ADGRE1: variants seen among roughly 807,000 people sequenced by gnomAD.
ADGRE1 encodes the protein adhesion G protein-coupled receptor E1, also known as EGF-like module receptor 1.
Under a neutral mutation model 102.7 loss-of-function variants are expected in ADGRE1, and 82 were observed. That is an observed-to-expected ratio of 0.80 (90% CI 0.67 to 0.96). ADGRE1 has a LOEUF of 0.96. Ranked by LOEUF, ADGRE1 falls within the 40% of genes least tolerant of loss-of-function variation. The probability of loss-of-function intolerance (pLI) is 0.00; values close to 1 mark genes in which losing one functional copy is unlikely to be tolerated. For synonymous variants in ADGRE1, 398 were observed against 399.6 expected, an observed-to-expected ratio of 1.00 and a Z score of 0.05; for missense variants, 1,032 against 1,085.3, an observed-to-expected ratio of 0.95 and a Z score of 0.69.
chr19:6,927,149 C>T (rs1413005868), intron 16 of ADGRE1, among the ~76,000 whole-genome samples: 1 of 151,970 alleles, frequency 6.6e-6, no homozygotes, highest in African/African-American at 2.4e-5. Context: ...ACACTAGAGA[C>T]ATAATAAAAG....
intron 9 of ADGRE1, among the ~76,000 whole-genome samples, chr19:6,908,429 C>T (rs75964774): frequency 0.026 from 3,893 of 152,174 alleles, 70 homozygotes; most frequent in Non-Finnish European, 0.042. Flanking sequence ...AGGGTGTCCC[C>T]GATTGAGCTG....
chr19:6,906,378 C>T (rs986173517), intron 8 of ADGRE1, 55 bp from the exon 9 acceptor site: 2 of 1,485,858 alleles, frequency 1.3e-6, no homozygotes, highest in Admixed American at 1.8e-5. Context: ...CTTGAATTTT[C>T]ATCTTATTTT....
intron 18 of ADGRE1, among the ~76,000 whole-genome samples, chr19:6,936,830 C>T (rs1256016489): frequency 1.3e-5 from 2 of 152,100 alleles, no homozygotes; most frequent in Non-Finnish European, 2.9e-5. Flanking sequence ...ACCATGTTAA[C>T]CAGGCTGGGC....
At chr19:6,938,211 T>C (rs1425400924) in intron 20 of ADGRE1, among the ~76,000 whole-genome samples, 3 of 151,914 alleles carry the variant, frequency 2.0e-5, no homozygotes, top group Non-Finnish European at 4.4e-5. Flanking sequence ...GTGGCAGGTG[T>C]CTGTAATCCC....
At chr19:6,937,434 A>AT in intron 19 of ADGRE1, 23 bp downstream of exon 19, 1 of 1,002,350 alleles carries the variant, frequency 1.0e-6, no homozygotes, top group South Asian at 1.5e-5. Context: ...TGCCCTCCCC[A>AT]TCCCCCTCCT....
At chr19:6,901,541 A>G (rs1183166022) in intron 5 of ADGRE1, among the ~76,000 whole-genome samples, 1 of 152,244 alleles carries the variant, frequency 6.6e-6, no homozygotes, top group Non-Finnish European at 1.5e-5. Context: ...GTAAAGTCAC[A>G]TCTCTTACAA....
rs1974103388 is a variant in ADGRE1 at position 6,909,813 on chromosome 19, C to A, written c.1122+1041C>A. On this transcript the variant is annotated intron_variant, in intron 10 of 20. Transcript: ENST00000312053. The stretch of plus-strand genomic sequence containing the variant: ...GCAATGGTGCGATCTTGGCTCACCG[C>A]AACCTCCACCTCCCAGGTTCAAGCG... Among the ~76,000 whole-genome samples, 4 of 152,162 alleles carry A rather than the reference C, an allele frequency of 2.6e-5. No homozygotes were observed. The South Asian group carries it at 8.3e-4, about 31-fold the overall frequency.
chr19:6,916,979 A>G (rs1027516442), intron 12 of ADGRE1, among the ~76,000 whole-genome samples: 2 of 152,180 alleles, frequency 1.3e-5, no homozygotes, highest in Non-Finnish European at 2.9e-5. Context: ...TCTGTTGGAC[A>G]GTGCTAATCT....
rs57355800 is a variant in ADGRE1 at position 6,890,421 on chromosome 19, GTTTTTTTTTTT to G, written c.32-47_32-37del. 23 of 451,326 alleles carry G rather than the reference GTTTTTTTTTTT, an allele frequency of 5.1e-5. No homozygotes were observed. In the East Asian group the frequency reaches 7.0e-4, roughly 14 times the overall value. The allele number at this position is 451,326 out of a possible 1,614,324, so 28.0% of individuals were successfully genotyped here. On this transcript the variant is annotated intron_variant, in intron 1 of 20. Transcript: ENST00000312053. ...TAATTTTGCAGGTTGAGCCCAAAAGGTTTTTTTTTTTTTTTTTTTTTTTGGTGGTTCATGGT... is the reference window on the plus strand; with the variant it reads ...TAATTTTGCAGGTTGAGCCCAAAAGGTTTTTTTTTTTTGGTGGTTCATGGT...
intron 9 of ADGRE1, among the ~76,000 whole-genome samples, 168 bp from the exon 10 acceptor site, chr19:6,908,521 A>G (rs1249944418): frequency 6.6e-6 from 1 of 152,136 alleles, no homozygotes; most frequent in South Asian, 2.1e-4. Flanking sequence ...ATGTGATTCT[A>G]ATTCTGATCA....
At chr19:6,934,932 T>C in intron 17 of ADGRE1, 55 bp from the exon 18 acceptor site, 1 of 1,317,232 alleles carries the variant, frequency 7.6e-7, no homozygotes, top group Admixed American at 2.3e-5. Context: ...ATAGGTGTTC[T>C]GGCCCTTGTC....
intron 17 of ADGRE1, among the ~76,000 whole-genome samples, chr19:6,933,844 A>G (rs769046907): frequency 1.3e-5 from 2 of 152,100 alleles, no homozygotes; most frequent in African/African-American, 2.4e-5. Flanking sequence ...AAATGTCAGT[A>G]TTGCCGTGGG....
intron 13 of ADGRE1, among the ~76,000 whole-genome samples, chr19:6,920,524 T>TTTTC: frequency 7.6e-6 from 1 of 132,164 alleles, no homozygotes; most frequent in Non-Finnish European, 1.6e-5. Flanking sequence ...CGCTTTTTTT[T>TTTTC]TTTTTTTTTT....
chr19:6,932,199 T>C (rs760852259), intron 17 of ADGRE1, among the ~76,000 whole-genome samples: 12 of 152,252 alleles, frequency 7.9e-5, no homozygotes, highest in African/African-American at 1.9e-4. Context: ...CCGGGCGTGG[T>C]GGTTTATGCC....
chr19:6,940,421 AT>A lies in ADGRE1; in HGVS notation c.*395del, dbSNP rs1412441451. ...GATACAGAGAACCTCTCAATAAATG[AT>A]TTGTCGCCTGTCTGACTGATTTACC... On this transcript the variant is annotated 3_prime_UTR_variant, in exon 21 of 21. Coordinates refer to ENST00000312053, the MANE Select transcript of ADGRE1 (RefSeq NM_001974.5). 1.8e-5 allele frequency: 4 copies of A among 224,610 alleles called. No homozygotes were observed. Among genetic ancestry groups the A allele is most frequent in the Non-Finnish European group, 3.5e-5 (4 of 113,592 alleles). 13.9% of individuals were successfully genotyped at this position (224,610 alleles called of 1,614,324 possible). A position where few individuals can be genotyped will look rare whatever the true frequency, so the allele number is the denominator to read the frequency against.
At chr19:6,922,709 G>A (rs990659108) in intron 14 of ADGRE1, among the ~76,000 whole-genome samples, 1 of 151,656 alleles carries the variant, frequency 6.6e-6, no homozygotes, top group African/African-American at 2.4e-5. Flanking sequence ...TAGATCATGA[G>A]GAAACAATAT....
In ADGRE1 at chr19:6,908,662, C is replaced by CT. The variant is rs773369723; in HGVS notation, c.1039-26dup. 1.7e-5 allele frequency: 21 copies of CT among 1,209,100 alleles called. No individual in the cohort carries two copies. In the Admixed American group the frequency reaches 3.9e-4, roughly 22 times the overall value. The allele number at this position is 1,209,100 out of a possible 1,614,324, so 74.9% of individuals were successfully genotyped here. A position where few individuals can be genotyped will look rare whatever the true frequency, so the allele number is the denominator to read the frequency against. ...ATACATCGATTCATGCTCACAAATG[C>CT]TCTTTTTTTTTTTTTCTGGGACGCA... On this transcript the variant is annotated intron_variant, in intron 9 of 20. Coordinates refer to ENST00000312053, the MANE Select transcript of ADGRE1 (RefSeq NM_001974.5).
At chr19:6,916,164 G>A in intron 11 of ADGRE1, 85 bp from the exon 12 acceptor site, 1 of 1,476,286 alleles carries the variant, frequency 6.8e-7, no homozygotes, top group Non-Finnish European at 9.2e-7. Context: ...CGCCATGATG[G>A]AGGTGTACCT....
intron 2 of ADGRE1, chr19:6,895,147 C>T (rs918994556): frequency 2.0e-5 from 3 of 152,268 alleles, no homozygotes; most frequent in Non-Finnish European, 2.9e-5. Context: ...GCGTGAGCCT[C>T]ATCCCCGTGG....
Sources: allele counts gnomAD v4.1 joint callset (sites outside exome capture counted in the v4.1 genomes callset), GRCh38; gene constraint gnomAD v4.1.1; transcripts MANE v1.5; gene names NCBI Gene and HGNC (gene_info 2026-07-23, HGNC 2026-07-21).